The following PSD3 variants were observed in gnomAD, a reference collection of about 807,000 sequenced individuals.
PSD3 encodes pleckstrin and Sec7 domain containing 3.
PSD3 carries 49 observed loss-of-function variants against 105.5 expected under a neutral mutation model. The observed-to-expected ratio is 0.46, with a 90% CI of 0.37 to 0.59. PSD3 has a LOEUF of 0.59. Among genes scored for constraint, PSD3 ranks in the 20% least tolerant of loss-of-function variants. PSD3 has a pLI of 0.00. For missense variants in PSD3, 1,561 were observed against 1,263.8 expected (o/e 1.24, Z -3.57); for synonymous variants, 557 against 457.8 (o/e 1.22, Z -2.77).
intron 9 of PSD3, among the ~76,000 whole-genome samples, chr8:18,743,133 C>T (rs577184902): frequency 6.6e-6 from 1 of 152,258 alleles, no homozygotes; most frequent in South Asian, 2.1e-4. Context: ...GAACAAAGGG[C>T]AAACCTCCCC....
intron 1 of PSD3, among the ~76,000 whole-genome samples, chr8:19,033,220 G>C (rs1186926368): frequency 2.0e-5 from 3 of 151,652 alleles, no homozygotes; most frequent in African/African-American, 7.3e-5. Context: ...TTCATAGATA[G>C]AGAAAGATAC....
chr8:18,751,139 G>C, intron 9 of PSD3, among the ~76,000 whole-genome samples: 1 of 152,148 alleles, frequency 6.6e-6, no homozygotes, highest in East Asian at 1.9e-4. Flanking sequence ...ACCCACGGAG[G>C]CGGGGAAGGC....
intron 2 of PSD3, among the ~76,000 whole-genome samples, chr8:18,899,301 A>G (rs945701828): frequency 4.6e-5 from 7 of 152,044 alleles, no homozygotes; most frequent in Admixed American, 4.6e-4. Flanking sequence ...CATATCTACA[A>G]TATCTTGTCA....
At chr8:19,033,644 T>A (rs1022006946) in intron 1 of PSD3, among the ~76,000 whole-genome samples, 2 of 151,932 alleles carry the variant, frequency 1.3e-5, no homozygotes, top group African/African-American at 4.8e-5. Context: ...CCTTTTCCCT[T>A]GGCTCTCTCT....
At chr8:18,708,029 G>T (rs766231295) in intron 9 of PSD3, among the ~76,000 whole-genome samples, 14 of 152,204 alleles carry the variant, frequency 9.2e-5, no homozygotes, top group Non-Finnish European at 1.8e-4. Context: ...TGCTTTTAAA[G>T]AAATGTTGGC....
At position 18,529,580 on chromosome 8, in the gene PSD3, A is replaced by G. The variant is rs1436270802; in HGVS notation, c.*6163T>C. 2 of 152,650 alleles carry G rather than the reference A, an allele frequency of 1.3e-5. No individual in the cohort carries two copies. The highest frequency in any genetic ancestry group is 2.9e-5 in the Non-Finnish European group (2 of 68,046). The allele number at this position is 152,650 out of a possible 1,614,324, so 9.5% of individuals were successfully genotyped here. Reference sequence around the variant, plus strand: ...AAAGCAACCACTTTACTGTCCCCTAAGCTTCAATTTGGTCTAATTACTCTT... The same window carrying G: ...AAAGCAACCACTTTACTGTCCCCTAGGCTTCAATTTGGTCTAATTACTCTT... On this transcript the variant is annotated 3_prime_UTR_variant, in exon 16 of 16. Transcript: ENST00000327040.
At chr8:19,039,721 C>A (rs1828060429) in intron 1 of PSD3, among the ~76,000 whole-genome samples, 1 of 152,142 alleles carries the variant, frequency 6.6e-6, no homozygotes, top group South Asian at 2.1e-4. Flanking sequence ...AAACAGCCTT[C>A]AAATGGAAAG....
intron 2 of PSD3, among the ~76,000 whole-genome samples, chr8:18,900,551 G>A (rs1190497120): frequency 1.3e-5 from 2 of 151,596 alleles, no homozygotes; most frequent in South Asian, 2.1e-4. Context: ...AGCATCACTA[G>A]TGGTACTTTG....
intron 12 of PSD3, among the ~76,000 whole-genome samples, chr8:18,582,113 T>C (rs1278525760): frequency 6.6e-6 from 1 of 152,120 alleles, no homozygotes; most frequent in Non-Finnish European, 1.5e-5. Flanking sequence ...CGGGGACTTA[T>C]TATTTTCAAA....
intron 1 of PSD3, among the ~76,000 whole-genome samples, chr8:18,991,092 A>G (rs1825764877): frequency 6.6e-6 from 1 of 152,140 alleles, no homozygotes; most frequent in African/African-American, 2.4e-5. Flanking sequence ...GGGCACCAGA[A>G]ACACGGGTTT....
At chr8:18,601,317 T>G (rs981765560) in intron 11 of PSD3, among the ~76,000 whole-genome samples, 1 of 152,132 alleles carries the variant, frequency 6.6e-6, no homozygotes, top group Non-Finnish European at 1.5e-5. Context: ...AAAATGTTAT[T>G]GCTTGAATAT....
chr8:19,072,780 T>G (rs768317915), intron 1 of PSD3, among the ~76,000 whole-genome samples: 2 of 152,214 alleles, frequency 1.3e-5, no homozygotes, highest in Non-Finnish European at 2.9e-5. Context: ...TATTCTGTGC[T>G]AGGCTCAATT....
intron 1 of PSD3, among the ~76,000 whole-genome samples, chr8:18,987,352 A>T (rs1825561288): frequency 6.6e-6 from 1 of 151,764 alleles, no homozygotes; most frequent in Non-Finnish European, 1.5e-5. Context: ...CAGTGGCGCA[A>T]TCTCGGCTCA....
chr8:18,556,386 A>C, intron 14 of PSD3, 34 bp from the exon 15 acceptor site: 1 of 1,589,086 alleles, frequency 6.3e-7, no homozygotes, highest in South Asian at 1.2e-5. Flanking sequence ...TAGCGTTCAA[A>C]AAAAAAACAA....
intron 2 of PSD3, among the ~76,000 whole-genome samples, chr8:18,916,355 C>T (rs1820603207): frequency 4.3e-5 from 3 of 69,650 alleles, no homozygotes; most frequent in East Asian, 2.8e-4. Flanking sequence ...TATATACACA[C>T]ACACACACAC....
In PSD3 at chr8:18,620,671, C is replaced by G. The variant is rs534343824; in HGVS notation, c.2410+11942G>C. Among the ~76,000 whole-genome samples, 179 of 152,280 alleles carry G rather than the reference C, an allele frequency of 1.2e-3. 1 individual carries two copies. The highest frequency in any genetic ancestry group is 4.1e-3 in the African/African-American group (170 of 41,556). On this transcript the variant is annotated intron_variant, in intron 11 of 15. Coordinates refer to ENST00000327040, the MANE Select transcript of PSD3 (RefSeq NM_015310.4). ...GTTGCAGTGAGCCCAGATCACACCA[C>G]TGCACTATGGCCTGGGTGAGTGAGC...
At chr8:19,078,948 GCC>G (rs149246668) in intron 1 of PSD3, among the ~76,000 whole-genome samples, 6,746 of 151,756 alleles carry the variant, frequency 0.044, 221 homozygotes, top group Middle Eastern at 0.12. Context: ...GTTGCATTGA[GCC>G]CCTGTGTCCC....
At chr8:19,070,048 G>A (rs1026805170) in intron 1 of PSD3, among the ~76,000 whole-genome samples, 3 of 151,328 alleles carry the variant, frequency 2.0e-5, no homozygotes, top group Non-Finnish European at 2.9e-5. Flanking sequence ...GAGTTTAGGC[G>A]ATTCTCCTGC....
intron 15 of PSD3, among the ~76,000 whole-genome samples, chr8:18,538,824 T>A (rs540162498): frequency 3.3e-5 from 5 of 152,276 alleles, no homozygotes; most frequent in Admixed American, 2.6e-4. Flanking sequence ...ATAAATTACA[T>A]CAGTGTGTCA....
Sources: gnomAD v4.1 joint callset for allele counts (sites outside exome capture counted in the v4.1 genomes callset) on GRCh38, gnomAD v4.1.1 for gene constraint, MANE v1.5 for transcripts, NCBI Gene and HGNC (gene_info 2026-07-23, HGNC 2026-07-21) for gene names.